Variants in CIT observed in about 807,000 individuals in gnomAD.
CIT encodes citron Rho-interacting kinase.
Under a neutral mutation model 272.7 loss-of-function variants are expected in CIT, and 79 were observed. The observed-to-expected ratio is 0.29, with a 90% CI of 0.24 to 0.35. The LOEUF (loss-of-function observed/expected upper bound fraction) is 0.35. Among genes scored for constraint, CIT ranks in the 10% least tolerant of loss-of-function variants. The pLI, the probability that CIT is intolerant of heterozygous loss-of-function variation, is 1.00. For synonymous variants in CIT, 948 were observed against 995.6 expected, an observed-to-expected ratio of 0.95 and a Z score of 0.90; for missense variants, 1,909 against 2,618.3, an observed-to-expected ratio of 0.73 and a Z score of 5.91.
chr12:119,827,874 C>A (rs191565113), intron 7 of CIT, among the ~76,000 whole-genome samples: 2 of 152,196 alleles, frequency 1.3e-5, no homozygotes, highest in Admixed American at 1.3e-4. Context: ...GACCTAACTA[C>A]GCAATTGTTG....
intron 17 of CIT, 133 bp downstream of exon 17, chr12:119,772,637 G>T: frequency 1.0e-6 from 1 of 979,592 alleles, no homozygotes; most frequent in Non-Finnish European, 1.4e-6. Flanking sequence ...CAGCCTCTCA[G>T]GTTTCAAAGG....
At chr12:119,691,040 C>T (rs748493172) in intron 46 of CIT, among the ~76,000 whole-genome samples, 14 of 152,038 alleles carry the variant, frequency 9.2e-5, no homozygotes, top group Non-Finnish European at 1.8e-4. Flanking sequence ...GGCGTGTTGG[C>T]GTGTGCCTGT....
chr12:119,813,660 T>C (rs549279644), intron 9 of CIT, among the ~76,000 whole-genome samples: 1 of 152,316 alleles, frequency 6.6e-6, no homozygotes, highest in African/African-American at 2.4e-5. Flanking sequence ...ACAAACCCAC[T>C]CTGTTTCCCA....
intron 14 of CIT, 79 bp from the exon 15 acceptor site, chr12:119,776,487 T>C (rs1267766373): frequency 8.7e-6 from 11 of 1,260,826 alleles, no homozygotes; most frequent in Non-Finnish European, 1.3e-5. Context: ...TTGGTCTCTG[T>C]GACCAAGATA....
chr12:119,688,178 T>G lies in CIT; in HGVS notation c.*54A>C. 6.4e-7 allele frequency: 1 copy of G among 1,571,726 alleles called. No homozygotes were observed. The highest frequency in any genetic ancestry group is 8.8e-7 in the Non-Finnish European group (1 of 1,141,360). ...TCCCCATCAGCAGAGTTCCATAGTG[T>G]GTTTGGTGTTTTCCTGCAGATCAAG... On this transcript the variant is annotated 3_prime_UTR_variant, in exon 48 of 48. Transcript: ENST00000392521.
Position 119,712,100 on chromosome 12 carries a change from G to T in CIT, c.4854+78C>A. ...CTGAGGGGAATCAAAATGGCCAATG[G>T]GATTCTCGTCGTTAACACCAGTTAC... On this transcript the variant is annotated intron_variant, in intron 37 of 47. Transcript: ENST00000392521. This position sits in a 1 kb window ranked among gnomAD's most constrained non-coding sequence, Gnocchi z 5.2. The T allele has an allele frequency of 7.2e-7, 1 of 1,391,412 alleles. No individual in the cohort carries two copies. The highest frequency in any genetic ancestry group is 9.8e-7 in the Non-Finnish European group (1 of 1,018,530). The allele number at this position is 1,391,412 out of a possible 1,614,324, so 86.2% of individuals were successfully genotyped here.
rs203331 is a variant in CIT at position 119,772,466 on chromosome 12, A to C, written c.2082+304T>G. Among the ~76,000 whole-genome samples, 77,372 of 151,990 alleles carry C rather than the reference A, an allele frequency of 0.51. 19,970 individuals are homozygous for C. The highest frequency in any genetic ancestry group is 0.59 in the Admixed American group (8,990 of 15,288). ...AAAACAGAGGGAAGAGAAAGAAAAA[A>C]CCAGTGATGGAGCTTCGGTTTACCT... On this transcript the variant is annotated intron_variant, in intron 17 of 47. Coordinates refer to ENST00000392521, the MANE Select transcript of CIT (RefSeq NM_001206999.2).
rs1056282008 is a variant in CIT at position 119,825,331 on chromosome 12, A to G, written c.791T>C (p.Met264Thr). The G allele has an allele frequency of 5.0e-6, 8 of 1,614,042 alleles. No individual in the cohort carries two copies. The highest frequency in any genetic ancestry group is 1.6e-4 in the Middle Eastern group (1 of 6,084). Residue 264 changes from methionine to threonine, a missense_variant, in exon 8 of 48, where the codon ATG becomes ACG. Coordinates refer to ENST00000392521, the MANE Select transcript of CIT (RefSeq NM_001206999.2). The stretch of plus-strand genomic sequence containing the variant: ...CATCACAGTCAGCACTTCAGGAGCC[A>G]TGTAATCTGGGGTCCCAATCGGGAG... ...AKLPIGTPDY[M>T]APEVLTVMNG...
chr12:119,768,527 G>A lies in CIT; in HGVS notation c.2209-1345C>T, dbSNP rs944439543. On this transcript the variant is annotated intron_variant, in intron 18 of 47. Transcript: ENST00000392521. The surrounding 1 kb of genome is among the most constrained non-coding windows in gnomAD (Gnocchi z 4.3). ...AAATGGAGGTGAAAAAGTACTTTGA[G>A]ATTCACACACACTTAAAATGTTAGT... Among the ~76,000 whole-genome samples, 9 of 152,258 alleles carry A rather than the reference G, an allele frequency of 5.9e-5. No individual in the cohort carries two copies. The highest frequency in any genetic ancestry group is 1.9e-4 in the African/African-American group (8 of 41,554).
chr12:119,764,753 T>C (rs200928349), intron 19 of CIT, among the ~76,000 whole-genome samples: 1 of 151,514 alleles, frequency 6.6e-6, no homozygotes, highest in East Asian at 1.9e-4. Flanking sequence ...AAATAGAAAA[T>C]ATTTAAAAAG....
intron 3 of CIT, among the ~76,000 whole-genome samples, chr12:119,861,593 A>G (rs905675676): frequency 5.9e-5 from 9 of 152,140 alleles, no homozygotes; most frequent in African/African-American, 2.2e-4. Context: ...ATCTCAAAAA[A>G]AAAAAAGAAA....
At chr12:119,849,516 CA>C (rs1249634008) in intron 5 of CIT, among the ~76,000 whole-genome samples, 1 of 152,116 alleles carries the variant, frequency 6.6e-6, no homozygotes, top group African/African-American at 2.4e-5. Flanking sequence ...AACAACCATG[CA>C]CTATTATCAT....
intron 8 of CIT, among the ~76,000 whole-genome samples, chr12:119,823,917 G>A (rs1967937824): frequency 6.6e-6 from 1 of 151,076 alleles, no homozygotes; most frequent in South Asian, 2.1e-4. Context: ...GTGGGCACCC[G>A]TGATCCCAGC....
intron 19 of CIT, 48 bp downstream of exon 19, chr12:119,767,039 C>T (rs774864316): frequency 3.5e-6 from 5 of 1,418,894 alleles, no homozygotes; most frequent in Non-Finnish European, 4.8e-6. Context: ...ATGGGAGCTA[C>T]ATGGTACTAT....
intron 12 of CIT, chr12:119,782,950 T>G (rs918097841): frequency 4.8e-6 from 1 of 206,794 alleles, no homozygotes; most frequent in South Asian, 1.2e-4. Flanking sequence ...TAAGACCCAG[T>G]AGCTATTACA....
rs781217047 is a variant in CIT at position 119,687,076 on chromosome 12, G to A, written c.*1156C>T. 1.6e-4 allele frequency: 24 copies of A among 153,000 alleles called. No individual in the cohort carries two copies. Among genetic ancestry groups the A allele is most frequent in the Non-Finnish European group, 2.6e-4 (18 of 68,228 alleles). 9.5% of individuals were successfully genotyped at this position (153,000 alleles called of 1,614,324 possible). On this transcript the variant is annotated 3_prime_UTR_variant, in exon 48 of 48. Transcript: ENST00000392521. The stretch of plus-strand genomic sequence containing the variant: ...GGTTTGCTGAAATCCTTCTCTGGTC[G>A]TAAGGCTTGAGCGTTTTGTTTTTTG...
intron 32 of CIT, among the ~76,000 whole-genome samples, chr12:119,714,819 C>T (rs571627695): frequency 1.2e-4 from 19 of 152,306 alleles, no homozygotes; most frequent in East Asian, 5.8e-4. Context: ...CCAGCAATTC[C>T]GCTCCTGGCT....
chr12:119,691,109 T>C (rs1278601764), intron 46 of CIT, among the ~76,000 whole-genome samples: 1 of 145,610 alleles, frequency 6.9e-6, no homozygotes, highest in Admixed American at 7.1e-5. Context: ...GAGGCGGAGG[T>C]TGCAGTGAGC....
intron 39 of CIT, among the ~76,000 whole-genome samples, 159 bp from the exon 40 acceptor site, chr12:119,708,477 T>G (rs533920460): frequency 6.9e-4 from 105 of 152,128 alleles, no homozygotes; most frequent in African/African-American, 2.5e-3. Context: ...GGTCCATGAT[T>G]TATTTATTTT....
Sources: allele counts gnomAD v4.1 joint callset (sites outside exome capture counted in the v4.1 genomes callset), GRCh38; gene constraint gnomAD v4.1.1; non-coding constraint Gnocchi (gnomAD v3.1); transcripts MANE v1.5; gene names NCBI Gene and HGNC (gene_info 2026-07-23, HGNC 2026-07-21).